ATP2C2: variants seen among roughly 807,000 people sequenced by gnomAD.
ATP2C2 encodes the protein ATPase secretory pathway Ca2+ transporting 2.
ATP2C2 carries 171 observed loss-of-function variants against 110.8 expected under a neutral mutation model. The observed-to-expected ratio is 1.54, with a 90% CI of 1.36 to 1.75. ATP2C2 has a LOEUF of 1.75. Among genes scored for constraint, ATP2C2 ranks in the 40% most tolerant of loss-of-function variants. The pLI is 0.00. For synonymous variants in ATP2C2, 804 were observed against 508.4 expected, an observed-to-expected ratio of 1.58 and a Z score of -7.82; for missense variants, 1,963 against 1,235.0, an observed-to-expected ratio of 1.59 and a Z score of -8.84.
intron 13 of ATP2C2, among the ~76,000 whole-genome samples, chr16:84,440,437 A>C (rs4782627): frequency 0.41 from 62,780 of 152,130 alleles, 13,309 homozygotes; most frequent in East Asian, 0.56. Context: ...GTACCACCAC[A>C]CCCATTTGTG....
intron 26 of ATP2C2, chr16:84,462,355 T>G: frequency 1.8e-6 from 1 of 551,004 alleles, no homozygotes; most frequent in Non-Finnish European, 3.1e-6. Context: ...CACTCAAGAG[T>G]AGTAGGGTCT....
At position 84,460,659 on chromosome 16, in the gene ATP2C2, G is replaced by T; in HGVS notation, c.2339G>T (p.Gly780Val). Residue 780 changes from glycine (G) to valine (V), a missense_variant, in exon 24 of 27, where the codon GGG becomes GTG. Physicochemically the swap from Gly to Val is moderately radical, Grantham distance 109. Transcript: ENST00000262429. ...IMDGPPAQSLGVEPVDKDAFR... is the reference protein window; with the variant it reads ...IMDGPPAQSLVVEPVDKDAFR... Reference sequence around the variant, plus strand: ...CTGTGTCTTGTTCGGAGCAGCTTGGGGGTAGAGCCCGTTGACAAAGACGCC... The same window carrying T: ...CTGTGTCTTGTTCGGAGCAGCTTGGTGGTAGAGCCCGTTGACAAAGACGCC... The T allele has an allele frequency of 6.2e-7, 1 of 1,614,228 alleles. No homozygotes were observed. The highest frequency in any genetic ancestry group is 2.2e-5 in the East Asian group (1 of 44,886).
intron 2 of ATP2C2, 71 bp downstream of exon 2, chr16:84,398,680 C>T (rs2151416928): frequency 8.3e-7 from 1 of 1,205,524 alleles, no homozygotes; most frequent in South Asian, 1.5e-5. Context: ...AACACAAAGC[C>T]CTGAACAGTG....
intron 10 of ATP2C2, 23 bp from the exon 11 acceptor site, chr16:84,425,711 AG>A (rs1399430216): frequency 3.4e-5 from 55 of 1,611,656 alleles, no homozygotes; most frequent in Non-Finnish European, 4.6e-5. Context: ...TATGGAGATA[AG>A]GATGTTTTTG....
At chr16:84,396,146 T>G (rs1259549147) in intron 1 of ATP2C2, among the ~76,000 whole-genome samples, 16 of 152,162 alleles carry the variant, frequency 1.1e-4, no homozygotes, top group Admixed American at 1.0e-3. Context: ...GTGTGGGTTT[T>G]GGGCAGTCAC....
intron 7 of ATP2C2, 97 bp from the exon 8 acceptor site, chr16:84,422,293 T>C: frequency 1.4e-6 from 2 of 1,409,908 alleles, no homozygotes; most frequent in Non-Finnish European, 9.7e-7. Flanking sequence ...TGTTCTTGAG[T>C]TCATGTCCAT....
In ATP2C2 at chr16:84,449,317, G is replaced by A. The variant is rs906324590; in HGVS notation, c.1660+628G>A. On this transcript the variant is annotated intron_variant, in intron 17 of 26. Transcript: ENST00000262429. ...GCAGGCTTGCTCAGAGGTGTACGGG[G>A]CGAGACCCTTGCGGCTTTCTGGGGC... 3.3e-5 allele frequency among the ~76,000 whole-genome samples: 5 copies of A among 152,366 alleles called. No homozygotes were observed. In the East Asian group the frequency reaches 5.8e-4, roughly 18 times the overall value.
At chr16:84,378,488 A>G (rs564849730) in intron 1 of ATP2C2, among the ~76,000 whole-genome samples, 1 of 152,340 alleles carries the variant, frequency 6.6e-6, no homozygotes, top group East Asian at 1.9e-4. Flanking sequence ...TGTGTTGGGT[A>G]ACAGATCTAA....
intron 1 of ATP2C2, among the ~76,000 whole-genome samples, chr16:84,391,113 CAAAAAAA>C (rs567509863): frequency 4.1e-5 from 3 of 73,290 alleles, no homozygotes; most frequent in South Asian, 6.0e-4. Flanking sequence ...GACTCAGACT[CAAAAAAA>C]AAAAAAAAAA....
At chr16:84,383,048 C>T (rs1338051724) in intron 1 of ATP2C2, among the ~76,000 whole-genome samples, 1 of 152,162 alleles carries the variant, frequency 6.6e-6, no homozygotes, top group East Asian at 1.9e-4. Context: ...CTCCCAGGGA[C>T]ATGCTGGGAT....
chr16:84,447,759 A>C (rs1235547388), intron 16 of ATP2C2, among the ~76,000 whole-genome samples: 1 of 140,388 alleles, frequency 7.1e-6, no homozygotes, highest in Non-Finnish European at 1.5e-5. Context: ...TATAATATAC[A>C]TATAAATAAT....
chr16:84,453,466 A>G, intron 20 of ATP2C2, 95 bp downstream of exon 20: 1 of 1,512,960 alleles, frequency 6.6e-7, no homozygotes, highest in Non-Finnish European at 9.2e-7. Context: ...GTGACAGTGC[A>G]GGGCCCGACC....
intron 24 of ATP2C2, 162 bp downstream of exon 24, chr16:84,460,963 A>C (rs1911266783): frequency 3.7e-6 from 4 of 1,066,862 alleles, no homozygotes; most frequent in Admixed American, 5.9e-5. Flanking sequence ...GCATGAGGCA[A>C]AGGGACTGGG....
At chr16:84,459,049 C>G in intron 21 of ATP2C2, 71 bp from the exon 22 acceptor site, 3 of 1,543,254 alleles carry the variant, frequency 1.9e-6, no homozygotes, top group Non-Finnish European at 2.7e-6. Context: ...CTGCCCCTTG[C>G]AGCAACCGAT....
rs145137477 is a variant in ATP2C2, at chr16:84,380,907, G to A, written c.99+12193G>A. On this transcript the variant is annotated intron_variant, in intron 1 of 26. Coordinates refer to ENST00000262429, the MANE Select transcript of ATP2C2 (RefSeq NM_014861.4). ...ATTATTATACAACTACAGGCTGGGC[G>A]TGGTGGCTCACGCCTGTAATCCCAG... Among the ~76,000 whole-genome samples, 110 of 152,272 alleles carry A rather than the reference G, an allele frequency of 7.2e-4. 1 individual carries two copies. Among genetic ancestry groups the A allele is most frequent in the African/African-American group, 2.5e-3 (104 of 41,550 alleles).
intron 17 of ATP2C2, among the ~76,000 whole-genome samples, chr16:84,449,657 A>C (rs1225930676): frequency 6.6e-6 from 1 of 152,100 alleles, no homozygotes; most frequent in Non-Finnish European, 1.5e-5. Flanking sequence ...CTGGTATAAG[A>C]AGGTCCTTTT....
intron 4 of ATP2C2, among the ~76,000 whole-genome samples, chr16:84,409,552 C>T (rs1906085077): frequency 6.6e-6 from 1 of 152,134 alleles, no homozygotes; most frequent in African/African-American, 2.4e-5. Flanking sequence ...CTGTGTCGTC[C>T]AGGCTGGACA....
chr16:84,405,497 A>G (rs978894986), intron 3 of ATP2C2, among the ~76,000 whole-genome samples: 4 of 149,526 alleles, frequency 2.7e-5, no homozygotes, highest in Admixed American at 6.6e-5. Flanking sequence ...TAAGTGAATA[A>G]GTAAGCATGC....
intron 20 of ATP2C2, 46 bp downstream of exon 20, chr16:84,453,417 C>G (rs369349090): frequency 6.2e-7 from 1 of 1,610,136 alleles, no homozygotes; most frequent in Non-Finnish European, 8.5e-7. Flanking sequence ...GGGGCCGGGC[C>G]AGAGACACTG....
Sources: gnomAD v4.1 joint callset for allele counts (sites outside exome capture counted in the v4.1 genomes callset) on GRCh38, gnomAD v4.1.1 for gene constraint, MANE v1.5 for transcripts, NCBI Gene and HGNC (gene_info 2026-07-23, HGNC 2026-07-21) for gene names.